CLIP1: variants seen among roughly 807,000 people sequenced by gnomAD.
The protein encoded by CLIP1 is CAP-Gly domain containing linker protein 1.
A neutral mutation model predicts 161.6 loss-of-function variants in CLIP1; 66 were observed. The ratio of observed to expected loss-of-function variants is 0.41; its 90% confidence interval spans 0.33 to 0.50. The LOEUF is 0.50. CLIP1 is among the 20% of genes least tolerant of loss of function. The probability of loss-of-function intolerance (pLI) is 0.27; values close to 1 mark genes in which losing one functional copy is unlikely to be tolerated. For missense variants in CLIP1, 1,376 were observed against 1,702.0 expected (o/e 0.81, Z 3.37); for synonymous variants, 598 against 626.2 (o/e 0.96, Z 0.67).
intron 1 of CLIP1, among the ~76,000 whole-genome samples, chr12:122,398,460 T>G (rs1429107463): frequency 6.6e-6 from 1 of 151,388 alleles, no homozygotes; most frequent in African/African-American, 2.4e-5. Flanking sequence ...AGGACGAGCC[T>G]CTAAGATTGA....
At chr12:122,306,230 G>A (rs1950869308) in intron 20 of CLIP1, among the ~76,000 whole-genome samples, 1 of 151,822 alleles carries the variant, frequency 6.6e-6, no homozygotes, top group Non-Finnish European at 1.5e-5. Flanking sequence ...GCCTCGTGTG[G>A]GACCTTGTGA....
intron 5 of CLIP1, among the ~76,000 whole-genome samples, chr12:122,357,925 C>T (rs1284840568): frequency 2.0e-5 from 3 of 152,054 alleles, no homozygotes; most frequent in Non-Finnish European, 4.4e-5. Context: ...GCCACCACCC[C>T]GTCTGGGAGG....
In CLIP1 at chr12:122,328,156, T is replaced by G; in HGVS notation, c.3040A>C (p.Lys1014Gln). 1.2e-6 allele frequency: 2 copies of G among 1,614,082 alleles called. No homozygotes were observed. Among genetic ancestry groups the G allele is most frequent in the Non-Finnish European group, 1.7e-6 (2 of 1,180,028 alleles). The change falls in exon 17 of 26, where the codon AAA (lysine) becomes CAA (glutamine). Residue 1014 changes from lysine (K) to glutamine (Q), a missense_variant. By Grantham distance (53) the Lys-to-Gln change is moderately conservative. Around this residue, in one of 6 missense-constraint regions of CLIP1, gnomAD observed 948 missense variants for 1,134.8 expected, o/e 0.84. Transcript: ENST00000620786. ...LERKLSDLEK[K>Q]METSHNQCQE... ...CACTGGTTGTGGCTTGTTTCCATTT[T>G]CTTTTCCTGCAGAGACCCCGAATGA... is the stretch of plus-strand genomic sequence containing the variant.
At chr12:122,373,496 A>T in intron 3 of CLIP1, among the ~76,000 whole-genome samples, 1 of 151,832 alleles carries the variant, frequency 6.6e-6, no homozygotes, top group Non-Finnish European at 1.5e-5. Flanking sequence ...TTAATAAACA[A>T]GGTGAAAAAA....
chr12:122,390,172 G>GATATAT (rs71082979), intron 1 of CLIP1, among the ~76,000 whole-genome samples: 6,114 of 93,350 alleles, frequency 0.065, 297 homozygotes, highest in South Asian at 0.13. Flanking sequence ...CACAGTCTCA[G>GATATAT]ATATATATAT....
rs1955436901 is a variant in CLIP1 at position 122,276,518 on chromosome 12, C to T, written c.3966+1636G>A. On this transcript the variant is annotated intron_variant, in intron 24 of 25. Transcript: ENST00000620786. Reference sequence around the variant, plus strand: ...AGAAAGGAAGGGGGAAGAGAAGACACTGTTAGTTATTAAGCCCAGTAGACA... The same window carrying T: ...AGAAAGGAAGGGGGAAGAGAAGACATTGTTAGTTATTAAGCCCAGTAGACA... 10 of 1,276,574 alleles carry T rather than the reference C, an allele frequency of 7.8e-6. No homozygotes were observed. The South Asian group carries it at 1.2e-4, about 16-fold the overall frequency. 79.1% of individuals were successfully genotyped at this position (1,276,574 alleles called of 1,614,324 possible).
chr12:122,272,846 G>C lies in CLIP1; in HGVS notation c.*29C>G. The stretch of plus-strand genomic sequence containing the variant: ...GTTGTGTCAATGCGAGTGCGTCTGA[G>C]CAAGCCCAGTTCTCCACTGGAGGCT... On this transcript the variant is annotated 3_prime_UTR_variant, in exon 26 of 26. Transcript: ENST00000620786. 1 of 1,598,138 alleles carries C rather than the reference G, an allele frequency of 6.3e-7. No homozygotes were observed. Among genetic ancestry groups the C allele is most frequent in the African/African-American group, 1.3e-5 (1 of 74,760 alleles).
intron 20 of CLIP1, among the ~76,000 whole-genome samples, chr12:122,303,568 C>T (rs1950765559): frequency 6.6e-6 from 1 of 152,132 alleles, no homozygotes; most frequent in Non-Finnish European, 1.5e-5. Context: ...GATCTCTTTC[C>T]TGAGATTTTT....
chr12:122,374,141 G>C (rs1317266878), intron 3 of CLIP1, among the ~76,000 whole-genome samples: 1 of 151,778 alleles, frequency 6.6e-6, no homozygotes, highest in Non-Finnish European at 1.5e-5. Context: ...TTTGAGAACA[G>C]CCTGGCCAAT....
At chr12:122,281,713 GA>G (rs199829800) in intron 21 of CLIP1, among the ~76,000 whole-genome samples, 1 of 146,924 alleles carries the variant, frequency 6.8e-6, no homozygotes, top group African/African-American at 2.5e-5. Flanking sequence ...GACCCCGTCT[GA>G]AAAAAAAAAT....
rs559911126 is a variant in CLIP1 at position 122,319,667 on chromosome 12, T to C, written c.3250-319A>G. Among the ~76,000 whole-genome samples, 5 of 152,368 alleles carry C rather than the reference T, an allele frequency of 3.3e-5. No individual in the cohort carries two copies. The East Asian group carries it at 5.8e-4, about 18-fold the overall frequency. On this transcript the variant is annotated intron_variant, in intron 17 of 25. Coordinates refer to ENST00000620786, the MANE Select transcript of CLIP1 (RefSeq NM_001247997.2). Reference sequence around the variant, plus strand: ...ATGCTCCCTTCATTCTGACTTATGTTTGAGAGACCGTTCGGAGGTAACAAT... The same window carrying C: ...ATGCTCCCTTCATTCTGACTTATGTCTGAGAGACCGTTCGGAGGTAACAAT...
intron 1 of CLIP1, among the ~76,000 whole-genome samples, chr12:122,411,275 G>T (rs780704015): frequency 6.6e-5 from 10 of 152,146 alleles, no homozygotes; most frequent in Non-Finnish European, 1.2e-4. Flanking sequence ...AATTAACTGG[G>T]TGTGGTGGCA....
At chr12:122,375,613 G>A (rs987427747) in intron 3 of CLIP1, among the ~76,000 whole-genome samples, 3 of 152,084 alleles carry the variant, frequency 2.0e-5, no homozygotes, top group African/African-American at 7.2e-5. Context: ...CACTGCACCT[G>A]GCCTTGGCCC....
At chr12:122,289,621 AT>A (rs1312301661) in intron 20 of CLIP1, among the ~76,000 whole-genome samples, 1 of 152,124 alleles carries the variant, frequency 6.6e-6, no homozygotes, top group Non-Finnish European at 1.5e-5. Flanking sequence ...TTATTCAAGC[AT>A]TTGTTTCTCA....
At chr12:122,370,289 G>C (rs1954382239) in intron 3 of CLIP1, among the ~76,000 whole-genome samples, 1 of 152,150 alleles carries the variant, frequency 6.6e-6, no homozygotes, top group South Asian at 2.1e-4. Flanking sequence ...CAGAGAACAA[G>C]GGGCACTGCA....
intron 3 of CLIP1, among the ~76,000 whole-genome samples, chr12:122,369,961 G>A (rs2340238): frequency 2.6e-5 from 4 of 151,856 alleles, no homozygotes; most frequent in Admixed American, 6.6e-5. Flanking sequence ...ACAGGAATTC[G>A]AGACCAGCCT....
intron 20 of CLIP1, among the ~76,000 whole-genome samples, chr12:122,295,931 G>C (rs550090512): frequency 1.3e-5 from 2 of 152,030 alleles, no homozygotes; most frequent in East Asian, 1.9e-4. Flanking sequence ...GCTTGCTTTT[G>C]GTTACTGTTT....
At chr12:122,421,466 A>G (rs1469951523) in intron 1 of CLIP1, among the ~76,000 whole-genome samples, 1 of 152,176 alleles carries the variant, frequency 6.6e-6, no homozygotes, top group Non-Finnish European at 1.5e-5. Context: ...CAGTGGCCAC[A>G]GCACTTAATA....
At position 122,361,128 on chromosome 12, in the gene CLIP1, G is replaced by A; in HGVS notation, c.836C>T (p.Thr279Ile). The change falls in exon 5 of 26, where the codon ACC becomes ATC. Residue 279 changes from threonine (T) to isoleucine (I), a missense_variant. By Grantham distance (89) the Thr-to-Ile change is moderately conservative. Coordinates refer to ENST00000620786, the MANE Select transcript of CLIP1 (RefSeq NM_001247997.2). Reference protein sequence around the residue: ...YGLFAPVHKVTKIGFPSTTPA... With the variant: ...YGLFAPVHKVIKIGFPSTTPA... ...TGTAGTGGAAGGGAAGCCAATCTTG[G>A]TAACTTTGTGGACAGGAGCGAACAA... 6.2e-7 allele frequency: 1 copy of A among 1,614,204 alleles called. No homozygotes were observed. The highest frequency in any genetic ancestry group is 8.5e-7 in the Non-Finnish European group (1 of 1,180,008).
Sources: allele counts gnomAD v4.1 joint callset (sites outside exome capture counted in the v4.1 genomes callset), GRCh38; gene constraint gnomAD v4.1.1; regional missense constraint gnomAD v4.1.1; transcripts MANE v1.5; gene names NCBI Gene and HGNC (gene_info 2026-07-23, HGNC 2026-07-21).